GAP43: variants seen among roughly 807,000 people sequenced by gnomAD.
GAP43 encodes neuromodulin.
In GAP43, 6 loss-of-function variants were observed where a neutral mutation model predicts 18.6. That is an observed-to-expected ratio of 0.32 (90% confidence interval 0.18 to 0.64). The LOEUF is 0.64. Ranked by LOEUF, GAP43 falls within the 30% of genes least tolerant of loss-of-function variation. The probability of loss-of-function intolerance (pLI) is 0.78; values close to 1 mark genes in which losing one functional copy is unlikely to be tolerated. For missense variants in GAP43, 292 were observed against 295.5 expected (o/e 0.99, Z 0.09); for synonymous variants, 115 against 111.4 (o/e 1.03, Z -0.20).
chr3:115,708,515 G>C (rs754934588), intron 2 of GAP43, among the ~76,000 whole-genome samples: 1 of 152,182 alleles, frequency 6.6e-6, no homozygotes, highest in African/African-American at 2.4e-5. Flanking sequence ...ACTTATAAGA[G>C]AGTGAGAGAA....
intron 1 of GAP43, among the ~76,000 whole-genome samples, chr3:115,626,927 T>C (rs1026141743): frequency 7.9e-5 from 12 of 152,044 alleles, no homozygotes; most frequent in Non-Finnish European, 1.8e-4. Context: ...CGATTCTTCC[T>C]AGTGATAAAT....
At chr3:115,704,214 C>A (rs1202652386) in intron 2 of GAP43, among the ~76,000 whole-genome samples, 1 of 152,094 alleles carries the variant, frequency 6.6e-6, no homozygotes, top group Admixed American at 6.6e-5. Flanking sequence ...TAACATTCTG[C>A]TGGCACTGGA....
At chr3:115,707,042 C>A (rs1709373681) in intron 2 of GAP43, among the ~76,000 whole-genome samples, 1 of 152,140 alleles carries the variant, frequency 6.6e-6, no homozygotes, top group East Asian at 1.9e-4. Flanking sequence ...ATATGTGAAA[C>A]CTCTTGGCAC....
At chr3:115,628,787 G>A (rs569743384) in intron 1 of GAP43, among the ~76,000 whole-genome samples, 12 of 152,082 alleles carry the variant, frequency 7.9e-5, no homozygotes, top group South Asian at 6.2e-4. Context: ...CACTCTTCTC[G>A]TTTGACTCAC....
chr3:115,713,086 C>A (rs978383862), intron 2 of GAP43, among the ~76,000 whole-genome samples: 1 of 152,124 alleles, frequency 6.6e-6, no homozygotes, highest in Non-Finnish European at 1.5e-5. Context: ...ATGATCCAGG[C>A]TCCAGATGGA....
At chr3:115,712,662 A>G (rs1311271357) in intron 2 of GAP43, among the ~76,000 whole-genome samples, 1 of 152,184 alleles carries the variant, frequency 6.6e-6, no homozygotes, top group Non-Finnish European at 1.5e-5. Flanking sequence ...TTATGTGTAT[A>G]TTAGGAAACT....
intron 2 of GAP43, among the ~76,000 whole-genome samples, chr3:115,705,440 C>T (rs1259029209): frequency 6.6e-6 from 1 of 152,098 alleles, no homozygotes; most frequent in Non-Finnish European, 1.5e-5. Flanking sequence ...ATTAACTCAT[C>T]ATATATTAAA....
At chr3:115,694,070 A>G (rs935597517) in intron 2 of GAP43, among the ~76,000 whole-genome samples, 1 of 151,898 alleles carries the variant, frequency 6.6e-6, no homozygotes, top group Non-Finnish European at 1.5e-5. Flanking sequence ...GGAAGAGGAG[A>G]TGTGTGGTGA....
intron 2 of GAP43, among the ~76,000 whole-genome samples, chr3:115,687,977 T>C (rs1709055401): frequency 6.6e-6 from 1 of 151,762 alleles, no homozygotes. Flanking sequence ...TTTGAGTGAC[T>C]CACCCAGGGT....
chr3:115,655,594 T>C (rs987085026), intron 1 of GAP43, among the ~76,000 whole-genome samples: 2 of 152,218 alleles, frequency 1.3e-5, no homozygotes, highest in Admixed American at 6.5e-5. Context: ...AGGGATCTAG[T>C]GTCTGCCTGA....
intron 2 of GAP43, among the ~76,000 whole-genome samples, chr3:115,691,978 T>G (rs1225793860): frequency 1.3e-5 from 2 of 152,218 alleles, no homozygotes; most frequent in Non-Finnish European, 2.9e-5. Context: ...GTCTTAGACC[T>G]AAAAGGAAAC....
chr3:115,639,589 A>G (rs1377499225), intron 1 of GAP43, among the ~76,000 whole-genome samples: 1 of 152,120 alleles, frequency 6.6e-6, no homozygotes, highest in Non-Finnish European at 1.5e-5. Context: ...AAAACTATGT[A>G]CAATAACGCT....
chr3:115,626,538 A>G (rs2107462692), intron 1 of GAP43, among the ~76,000 whole-genome samples: 1 of 152,272 alleles, frequency 6.6e-6, no homozygotes, highest in East Asian at 1.9e-4. Context: ...AAATAAAATA[A>G]TCCCTAATAT....
chr3:115,692,325 G>T (rs1202489570), intron 2 of GAP43, among the ~76,000 whole-genome samples: 1 of 152,180 alleles, frequency 6.6e-6, no homozygotes, highest in Non-Finnish European at 1.5e-5. Flanking sequence ...GTATTCTACT[G>T]TCATTCAATT....
chr3:115,716,979 G>A (rs1250803187), intron 2 of GAP43, among the ~76,000 whole-genome samples: 1 of 151,750 alleles, frequency 6.6e-6, no homozygotes, highest in Non-Finnish European at 1.5e-5. Flanking sequence ...TTGCTAAAAT[G>A]AGTTTGGCCA....
At chr3:115,710,049 A>C (rs1048698329) in intron 2 of GAP43, among the ~76,000 whole-genome samples, 1 of 152,090 alleles carries the variant, frequency 6.6e-6, no homozygotes, top group Non-Finnish European at 1.5e-5. Flanking sequence ...CAAATTTCAA[A>C]ATATATATTG....
intron 1 of GAP43, among the ~76,000 whole-genome samples, chr3:115,655,891 C>G (rs969845853): frequency 2.0e-5 from 3 of 152,142 alleles, no homozygotes; most frequent in African/African-American, 4.8e-5. Flanking sequence ...ACAACAGGAA[C>G]AGTCTAGTCT....
chr3:115,628,480 T>A lies in GAP43; in HGVS notation c.30+4761T>A, dbSNP rs141915942. On this transcript the variant is annotated intron_variant, in intron 1 of 2. Transcript: ENST00000305124. Reference sequence around the variant, plus strand: ...CTCTTCTTCACTCCCCATTCACTATTCCATCTAGTTTAATTTGGCTTTGAT... The same window carrying A: ...CTCTTCTTCACTCCCCATTCACTATACCATCTAGTTTAATTTGGCTTTGAT... 4.7e-3 allele frequency among the ~76,000 whole-genome samples: 719 copies of A among 152,194 alleles called. 3 individuals are homozygous for A. The highest frequency in any genetic ancestry group is 0.017 in the African/African-American group (690 of 41,536).
intron 1 of GAP43, among the ~76,000 whole-genome samples, chr3:115,641,429 T>C (rs2107470526): frequency 6.6e-6 from 1 of 151,352 alleles, no homozygotes; most frequent in South Asian, 2.1e-4. Flanking sequence ...TGCATATATA[T>C]ACACACAGAC....
Sources: allele counts gnomAD v4.1 joint callset (sites outside exome capture counted in the v4.1 genomes callset), GRCh38; gene constraint gnomAD v4.1.1; transcripts MANE v1.5; gene names NCBI Gene and HGNC (gene_info 2026-07-23, HGNC 2026-07-21).